The following PFKFB2 variants were observed in gnomAD, a reference collection of about 807,000 sequenced individuals.
PFKFB2 encodes the protein 6-phosphofructo-2-kinase/fructose-2,6-bisphosphatase 2.
PFKFB2 carries 53 observed loss-of-function variants against 68.0 expected under a neutral mutation model. That is an observed-to-expected ratio of 0.78 (90% CI 0.63 to 0.98). PFKFB2 has a LOEUF of 0.98. Ranked by LOEUF, PFKFB2 falls within the 50% of genes least tolerant of loss-of-function variation. The probability of loss-of-function intolerance (pLI) is 0.00; values close to 1 mark genes in which losing one functional copy is unlikely to be tolerated. For missense variants in PFKFB2, 451 were observed against 642.0 expected, an observed-to-expected ratio of 0.70 and a Z score of 3.22; for synonymous variants, 222 against 227.6, an observed-to-expected ratio of 0.98 and a Z score of 0.22.
Position 207,072,593 on chromosome 1 carries a change from T to A in PFKFB2, c.*222T>A. The A allele has an allele frequency of 7.5e-7, 1 of 1,332,180 alleles. No homozygotes were observed. The allele number at this position is 1,332,180 out of a possible 1,614,324, so 82.5% of individuals were successfully genotyped here. A position where few individuals can be genotyped will look rare whatever the true frequency, so the allele number is the denominator to read the frequency against. ...AACATCTTTTCACCCAGGGGCAAGT[T>A]AGCAAATTGAGTCTTTTAGGACAGA... On this transcript the variant is annotated 3_prime_UTR_variant, in exon 15 of 15. Coordinates refer to ENST00000367080, the MANE Select transcript of PFKFB2 (RefSeq NM_006212.2).
At chr1:207,050,951 GC>G, upstream of PFKFB2, 1 of 1,570,358 alleles carries the variant, frequency 6.4e-7, no homozygotes, top group East Asian at 2.4e-5. Context: ...TTTGGTCCCG[GC>G]AGCCTGTTGG....
chr1:207,048,791 C>A (rs1170105081), upstream of PFKFB2: 2 of 494,514 alleles, frequency 4.0e-6, no homozygotes, highest in African/African-American at 1.9e-5. Flanking sequence ...TTCTGTCACT[C>A]CAGCAGAAAG....
intron 2 of PFKFB2, among the ~76,000 whole-genome samples, chr1:207,043,299 T>C (rs1682514295): frequency 1.3e-5 from 2 of 152,344 alleles, no homozygotes; most frequent in Non-Finnish European, 2.9e-5. Flanking sequence ...CCCAGAAATA[T>C]ATTTTATGCT....
upstream of PFKFB2, among the ~76,000 whole-genome samples, chr1:207,049,924 C>T (rs1457883336): frequency 6.6e-6 from 1 of 152,198 alleles, no homozygotes; most frequent in Non-Finnish European, 1.5e-5. Flanking sequence ...GAACAAAAAA[C>T]ACTTGAGGTT....
At chr1:207,051,085 CT>C (rs1338860261), upstream of PFKFB2, 1 of 1,443,932 alleles carries the variant, frequency 6.9e-7, no homozygotes, top group East Asian at 2.5e-5. Context: ...CGGCTTCTGC[CT>C]TAGTACCTTA....
intron 2 of PFKFB2, chr1:207,045,257 T>A (rs1196117073): frequency 1.3e-5 from 2 of 152,462 alleles, no homozygotes; most frequent in African/African-American, 4.8e-5. Flanking sequence ...GAATACTGCA[T>A]TGTATAATAA....
chr1:207,044,466 T>C (rs1682546394), intron 2 of PFKFB2: 1 of 152,556 alleles, frequency 6.6e-6, no homozygotes, highest in African/African-American at 2.4e-5. Context: ...AGTAGACTCA[T>C]GTAATCATAT....
At chr1:207,067,448 A>T (rs762959999) in intron 8 of PFKFB2, 51 bp from the exon 9 acceptor site, 8 of 1,296,168 alleles carry the variant, frequency 6.2e-6, no homozygotes, top group Non-Finnish European at 8.9e-6. Flanking sequence ...TCTGATTCTT[A>T]TTCTCAGATC....
At chr1:207,038,428 A>C (rs1169163602) in intron 1 of PFKFB2, among the ~76,000 whole-genome samples, 2 of 152,194 alleles carry the variant, frequency 1.3e-5, no homozygotes, top group Non-Finnish European at 2.9e-5. Context: ...GCCTGCTTCT[A>C]ATACTTTATT....
rs575000660 is a variant in PFKFB2, at chr1:207,076,358, G to T, written c.*3987G>T. The T allele has an allele frequency of 2.0e-6, 2 of 983,890 alleles. No individual in the cohort carries two copies. Among genetic ancestry groups the T allele is most frequent in the African/African-American group, 3.5e-5 (2 of 56,824 alleles). The allele number at this position is 983,890 out of a possible 1,614,324, so 60.9% of individuals were successfully genotyped here. A position where few individuals can be genotyped will look rare whatever the true frequency, so the allele number is the denominator to read the frequency against. On this transcript the variant is annotated 3_prime_UTR_variant, in exon 15 of 15. Transcript: ENST00000367080. ...AAAGTATCCAGTAATCAGAAGAATT[G>T]TATCTGGGTTATGTAATCTTATGCA... is the stretch of plus-strand genomic sequence containing the variant.
At chr1:207,057,908 C>T (rs1197230098) in intron 2 of PFKFB2, among the ~76,000 whole-genome samples, 2 of 152,174 alleles carry the variant, frequency 1.3e-5, no homozygotes, top group Admixed American at 1.3e-4. Context: ...TTTTCATCAT[C>T]ACAAAGAGTG....
At chr1:207,035,074 T>A (rs1401740198) in intron 1 of PFKFB2, 1 of 762,862 alleles carries the variant, frequency 1.3e-6, no homozygotes, top group African/African-American at 1.9e-5. Context: ...GGTCATCATT[T>A]GAGGGGGTAT....
intron 10 of PFKFB2, among the ~76,000 whole-genome samples, chr1:207,068,938 G>A (rs1412839674): frequency 6.6e-6 from 1 of 151,952 alleles, no homozygotes; most frequent in African/African-American, 2.4e-5. Context: ...GGGGAGATGG[G>A]GTTTCACCAT....
chr1:207,072,240 A>C lies in PFKFB2; in HGVS notation c.1387A>C (p.Arg463=). 6.2e-7 allele frequency: 1 copy of C among 1,614,216 alleles called. No individual in the cohort carries two copies. The highest frequency in any genetic ancestry group is 8.5e-7 in the Non-Finnish European group (1 of 1,180,026). The change falls in exon 15 of 15, where the codon AGA becomes CGA. Residue 463 remains arginine (R), a synonymous_variant. Transcript: ENST00000367080. ...CAAGAACCAAACCCCTGTAAGGATGAGAAGGAACAGCTTTACGCCTCTGTC... is the reference window on the plus strand; with the variant it reads ...CAAGAACCAAACCCCTGTAAGGATGCGAAGGAACAGCTTTACGCCTCTGTC... ...FPKNQTPVRM[R]RNSFTPLSSS...
At chr1:207,059,579 C>T (rs141412483) in intron 2 of PFKFB2, among the ~76,000 whole-genome samples, 1 of 152,162 alleles carries the variant, frequency 6.6e-6, no homozygotes, top group African/African-American at 2.4e-5. Context: ...ACTTATGTTG[C>T]TCCTTTACCT....
Position 207,068,266 on chromosome 1 carries a change from G to A in PFKFB2, c.944G>A (p.Gly315Glu). 6.2e-7 allele frequency: 1 copy of A among 1,610,684 alleles called. No individual in the cohort carries two copies. Among genetic ancestry groups the A allele is most frequent in the Middle Eastern group, 1.7e-4 (1 of 6,038 alleles). The change falls in exon 10 of 15, where the codon GGG becomes GAG. Residue 315 changes from glycine (G) to glutamate (E), a missense_variant. Gly to Glu is a moderately conservative substitution (Grantham distance 98). Transcript: ENST00000367080. ...KRTIQTAESL[G>E]VPYEQWKILN... is the part of the protein sequence containing the mutation. ...ACCATACAGACTGCTGAATCTCTCG[G>A]GGTGCCCTATGAGCAGTGGAAGATT...
chr1:207,069,542 G>A lies in PFKFB2; in HGVS notation c.1092+14G>A. On this transcript the variant is annotated intron_variant, in intron 11 of 14. Coordinates refer to ENST00000367080, the MANE Select transcript of PFKFB2 (RefSeq NM_006212.2). ...CCTGGTGGGGAGGTAAGACGCCCCT[G>A]TCATGTAAAGTGACTGCCTAGACCC... 1.3e-6 allele frequency: 2 copies of A among 1,494,638 alleles called. No individual in the cohort carries two copies. Among genetic ancestry groups the A allele is most frequent in the Non-Finnish European group, 1.9e-6 (2 of 1,071,204 alleles). The allele number at this position is 1,494,638 out of a possible 1,614,324, so 92.6% of individuals were successfully genotyped here.
intron 1 of PFKFB2, among the ~76,000 whole-genome samples, chr1:207,040,346 A>G (rs1682453272): frequency 6.6e-6 from 1 of 152,206 alleles, no homozygotes; most frequent in South Asian, 2.1e-4. Flanking sequence ...CAATACCTCA[A>G]GATTCACTAA....
Position 207,071,162 on chromosome 1 carries a change from C to T in PFKFB2, c.1223-26C>T, listed in dbSNP as rs112109800. The T allele has an allele frequency of 1.4e-3, 2,265 of 1,597,196 alleles. 28 individuals carry two copies. The African/African-American group carries it at 0.027, about 19-fold the overall frequency. On this transcript the variant is annotated intron_variant, in intron 12 of 14. Transcript: ENST00000367080. ...CTTACTCCATAATACTAAGAGACTT[C>T]CCTCGCCTGGTCTTTCTGTTTTCAG...
Sources: allele counts gnomAD v4.1 joint callset (sites outside exome capture counted in the v4.1 genomes callset), GRCh38; gene constraint gnomAD v4.1.1; transcripts MANE v1.5; gene names NCBI Gene and HGNC (gene_info 2026-07-23, HGNC 2026-07-21).